PAFAH2: variants seen among roughly 807,000 people sequenced by gnomAD.
The protein encoded by PAFAH2 is platelet activating factor acetylhydrolase 2.
PAFAH2 carries 42 observed loss-of-function variants against 49.0 expected under a neutral mutation model. The observed-to-expected ratio is 0.86, with a 90% CI of 0.67 to 1.11. The LOEUF (loss-of-function observed/expected upper bound fraction) is 1.11, where lower values mean the gene tolerates loss of function less well. Among genes scored for constraint, PAFAH2 ranks in the 50% least tolerant of loss-of-function variants. The pLI is 0.00. For missense variants in PAFAH2, 503 were observed against 501.8 expected (o/e 1.00, Z -0.02); for synonymous variants, 184 against 181.3 (o/e 1.01, Z -0.12).
chr1:25,971,686 C>T (rs1178288028), intron 10 of PAFAH2, among the ~76,000 whole-genome samples: 1 of 152,170 alleles, frequency 6.6e-6, no homozygotes, highest in Non-Finnish European at 1.5e-5. Flanking sequence ...CATAAACAAA[C>T]TCCCCTTTTT....
rs1045937713 is a variant in PAFAH2 at position 25,972,862 on chromosome 1, A to G, written c.930-150T>C. 161 of 800,026 alleles carry G rather than the reference A, an allele frequency of 2.0e-4. 1 individual carries two copies. Among genetic ancestry groups the G allele is most frequent in the Non-Finnish European group, 3.4e-5 (17 of 495,934 alleles). The allele number at this position is 800,026 out of a possible 1,614,324, so 49.6% of individuals were successfully genotyped here. On this transcript the variant is annotated intron_variant, in intron 9 of 10. Coordinates refer to ENST00000374282, the MANE Select transcript of PAFAH2 (RefSeq NM_000437.4). ...TAAGGGAAGTATTTTCCCCCTTGACAGAATCCAAGGAGAGAAACTATCTGC... is the reference window on the plus strand; with the variant it reads ...TAAGGGAAGTATTTTCCCCCTTGACGGAATCCAAGGAGAGAAACTATCTGC...
intron 8 of PAFAH2, 131 bp downstream of exon 8, chr1:25,976,551 G>GT: frequency 1.6e-6 from 1 of 632,144 alleles, no homozygotes. Flanking sequence ...CAGAGATCTT[G>GT]TTTTCTTGTT....
chr1:25,990,637 C>T (rs1211086517), intron 2 of PAFAH2, 90 bp downstream of exon 2: 11 of 1,064,554 alleles, frequency 1.0e-5, no homozygotes, highest in Admixed American at 5.8e-5. Context: ...TTTTCCCCAC[C>T]GTGGGAATAC....
At chr1:25,968,127 C>T (rs554544664) in intron 10 of PAFAH2, among the ~76,000 whole-genome samples, 2 of 152,192 alleles carry the variant, frequency 1.3e-5, no homozygotes, top group East Asian at 3.9e-4. Context: ...ATGGCAGCTA[C>T]TGCCTTCCAG....
intron 4 of PAFAH2, among the ~76,000 whole-genome samples, chr1:25,987,551 C>T (rs999676730): frequency 1.3e-5 from 2 of 152,036 alleles, no homozygotes; most frequent in Admixed American, 1.3e-4. Flanking sequence ...GCTACTACGC[C>T]AATGCCACAC....
intron 7 of PAFAH2, among the ~76,000 whole-genome samples, chr1:25,978,213 A>T (rs560122778): frequency 6.6e-6 from 1 of 152,086 alleles, no homozygotes; most frequent in South Asian, 2.1e-4. Flanking sequence ...TTAAAAAAAA[A>T]TAGGTTAATA....
At chr1:25,976,079 C>A (rs1256444690) in intron 8 of PAFAH2, among the ~76,000 whole-genome samples, 1 of 152,214 alleles carries the variant, frequency 6.6e-6, no homozygotes, top group African/African-American at 2.4e-5. Flanking sequence ...TAGATCTTCA[C>A]ACGACTGGCT....
At chr1:25,980,418 G>GAGGCGGAGT (rs1226521313) in intron 7 of PAFAH2, among the ~76,000 whole-genome samples, 6 of 151,656 alleles carry the variant, frequency 4.0e-5, no homozygotes, top group Admixed American at 1.3e-4. Context: ...CGCCTCTTGG[G>GAGGCGGAGT]TTCAAGTGAT....
intron 7 of PAFAH2, among the ~76,000 whole-genome samples, chr1:25,978,623 A>G (rs1017019317): frequency 2.0e-5 from 3 of 152,150 alleles, no homozygotes; most frequent in African/African-American, 7.2e-5. Context: ...CTACTTCCAG[A>G]CCTGGTCCAT....
Position 25,972,591 on chromosome 1 carries a change from G to A in PAFAH2, c.1051C>T (p.Arg351Trp), listed in dbSNP as rs745639230. The change falls in exon 10 of 11, where the codon CGG becomes TGG. Residue 351 changes from arginine (R) to tryptophan (W), a missense_variant. Physicochemically the swap from Arg to Trp is moderately radical, Grantham distance 101. Coordinates refer to ENST00000374282, the MANE Select transcript of PAFAH2 (RefSeq NM_000437.4). The part of the protein sequence containing the change: ...DPYEGQEVMV[R>W]AMLAFLQKHL... ...TTCTGCAGGAAGGCCAACATGGCCC[G>A]TACCATAACCTCCTGCCCTTCATAG... 6.4e-5 allele frequency: 103 copies of A among 1,613,778 alleles called. No homozygotes were observed. Among genetic ancestry groups the A allele is most frequent in the Admixed American group, 8.3e-5 (5 of 59,992 alleles).
chr1:25,967,424 G>C (rs2049443557), intron 10 of PAFAH2, among the ~76,000 whole-genome samples: 1 of 152,168 alleles, frequency 6.6e-6, no homozygotes, highest in Non-Finnish European at 1.5e-5. Flanking sequence ...GCCATTAGAA[G>C]AGGTCCAGGC....
At chr1:25,988,096 TG>T in intron 4 of PAFAH2, 134 bp downstream of exon 4, 1 of 618,886 alleles carries the variant, frequency 1.6e-6, no homozygotes, top group Non-Finnish European at 2.8e-6. Context: ...CCCAATGCTA[TG>T]GGACGAAGCA....
intron 9 of PAFAH2, among the ~76,000 whole-genome samples, chr1:25,973,848 TC>T (rs1557517304): frequency 1.3e-5 from 2 of 152,264 alleles, no homozygotes; most frequent in Non-Finnish European, 2.9e-5. Flanking sequence ...GCAGGAGCAG[TC>T]CGTGAGATCT....
At chr1:25,987,190 C>T (rs902103170) in intron 4 of PAFAH2, among the ~76,000 whole-genome samples, 3 of 151,148 alleles carry the variant, frequency 2.0e-5, no homozygotes, top group South Asian at 2.1e-4. Flanking sequence ...GCCGAGATCA[C>T]GCCACTGCAC....
chr1:25,997,429 G>C (rs2049951828), intron 1 of PAFAH2: 1 of 152,192 alleles, frequency 6.6e-6, no homozygotes, highest in African/African-American at 2.4e-5. Context: ...TAGCTTGTTG[G>C]CTCCTCAACA....
chr1:25,982,294 AG>A, intron 7 of PAFAH2, 69 bp downstream of exon 7: 1 of 1,099,884 alleles, frequency 9.1e-7, no homozygotes, highest in Non-Finnish European at 1.4e-6. Context: ...CCAGTTAGTT[AG>A]GTTTCTGTTA....
At chr1:25,980,011 G>A (rs564737213) in intron 7 of PAFAH2, among the ~76,000 whole-genome samples, 1 of 152,296 alleles carries the variant, frequency 6.6e-6, no homozygotes, top group South Asian at 2.1e-4. Flanking sequence ...ACTGTAGTTG[G>A]TAAAGCACTC....
At chr1:25,995,134 C>T (rs1378360246) in intron 1 of PAFAH2, among the ~76,000 whole-genome samples, 1 of 152,150 alleles carries the variant, frequency 6.6e-6, no homozygotes, top group East Asian at 1.9e-4. Context: ...CATGGTAGTA[C>T]CTGTCCAGAA....
At chr1:25,979,557 G>A (rs528924817) in intron 7 of PAFAH2, among the ~76,000 whole-genome samples, 105 of 151,866 alleles carry the variant, frequency 6.9e-4, no homozygotes, top group Middle Eastern at 3.4e-3. Context: ...GTGTGGTCTC[G>A]GCTCACTACA....
Sources: allele counts gnomAD v4.1 joint callset (sites outside exome capture counted in the v4.1 genomes callset), GRCh38; gene constraint gnomAD v4.1.1; transcripts MANE v1.5; gene names NCBI Gene and HGNC (gene_info 2026-07-23, HGNC 2026-07-21).